The following TFDP2 variants were observed in gnomAD, a reference collection of about 807,000 sequenced individuals.
The protein encoded by TFDP2 is transcription factor Dp-2.
Under a neutral mutation model 59.3 loss-of-function variants are expected in TFDP2, and 17 were observed. The observed-to-expected ratio is 0.29, with a 90% confidence interval of 0.20 to 0.43. The LOEUF (loss-of-function observed/expected upper bound fraction) is 0.43. TFDP2 is among the 20% of genes least tolerant of loss of function. TFDP2 has a pLI of 1.00. For synonymous variants in TFDP2, 180 were observed against 194.7 expected (o/e 0.92, Z 0.63); for missense variants, 391 against 528.8 (o/e 0.74, Z 2.56).
intron 3 of TFDP2, chr3:142,044,201 C>T (rs1223883315): frequency 1.8e-5 from 6 of 335,606 alleles, no homozygotes; most frequent in Non-Finnish European, 2.8e-5. Context: ...ATACTCATGG[C>T]TGCGGCGGCG....
chr3:142,143,056 T>G (rs1037908936), intron 1 of TFDP2, among the ~76,000 whole-genome samples: 1 of 152,214 alleles, frequency 6.6e-6, no homozygotes, highest in South Asian at 2.1e-4. Flanking sequence ...GCCAACATGG[T>G]GAAACCCCAT....
intron 3 of TFDP2, among the ~76,000 whole-genome samples, chr3:142,015,141 A>G (rs138265855): frequency 2.0e-5 from 3 of 152,230 alleles, no homozygotes. Flanking sequence ...TCTCAGCCTT[A>G]GTTGTTGGCT....
At chr3:142,118,486 G>A (rs139821829) in intron 1 of TFDP2, among the ~76,000 whole-genome samples, 48 of 152,038 alleles carry the variant, frequency 3.2e-4, no homozygotes, top group African/African-American at 8.7e-4. Context: ...ACCTTGAATC[G>A]GAAGTACAAA....
At chr3:142,075,328 AATAT>A (rs747624418) in intron 3 of TFDP2, among the ~76,000 whole-genome samples, 1 of 152,232 alleles carries the variant, frequency 6.6e-6, no homozygotes, top group Non-Finnish European at 1.5e-5. Flanking sequence ...TAATATCCAG[AATAT>A]ATAAAGAACT....
chr3:142,098,201 G>T (rs1576977635), intron 2 of TFDP2, among the ~76,000 whole-genome samples: 1 of 146,608 alleles, frequency 6.8e-6, no homozygotes, highest in East Asian at 2.0e-4. Context: ...TTCTTTATCT[G>T]TATTTTCTAA....
intron 4 of TFDP2, among the ~76,000 whole-genome samples, chr3:141,998,019 C>G (rs928281946): frequency 6.6e-6 from 1 of 151,938 alleles, no homozygotes; most frequent in South Asian, 2.1e-4. Context: ...TGCGGCTGAT[C>G]GGAGAGTGAT....
chr3:142,147,525 G>A (rs2063219560), intron 1 of TFDP2, among the ~76,000 whole-genome samples: 1 of 152,090 alleles, frequency 6.6e-6, no homozygotes, highest in Non-Finnish European at 1.5e-5. Flanking sequence ...AGTCAGGGTG[G>A]GAGGAATTAC....
Position 141,944,443 on chromosome 3 carries a change from T to G in TFDP2, c.*8070A>C, listed in dbSNP as rs954739912. 2 of 152,228 alleles carry G rather than the reference T, an allele frequency of 1.3e-5. No individual in the cohort carries two copies. Among genetic ancestry groups the G allele is most frequent in the East Asian group, 3.9e-4 (2 of 5,194 alleles). 9.4% of individuals were successfully genotyped at this position (152,228 alleles called of 1,614,324 possible). On this transcript the variant is annotated 3_prime_UTR_variant, in exon 13 of 13. Transcript: ENST00000489671. ...GAGACTAACATTATTTTAAAGTGTT[T>G]ATTTTTTTCTATAATACATTTCATT...
At chr3:142,148,061 G>A (rs1468927564) in intron 1 of TFDP2, among the ~76,000 whole-genome samples, 1 of 151,112 alleles carries the variant, frequency 6.6e-6, no homozygotes, top group South Asian at 2.1e-4. Flanking sequence ...AAAAAAACAG[G>A]TAAATTATTT....
rs541394073 is a variant in TFDP2 at position 141,981,448 on chromosome 3, C to T, written c.357-2766G>A. ...AATATATTTACTGATAAATAATTTA[C>T]ATGTTCTATGTTATGTACATAGAAA... On this transcript the variant is annotated intron_variant, in intron 6 of 12. Coordinates refer to ENST00000489671, the MANE Select transcript of TFDP2 (RefSeq NM_001178139.2). Among the ~76,000 whole-genome samples the T allele has an allele frequency of 5.3e-5, 8 of 152,248 alleles. No homozygotes were observed. The East Asian group carries it at 1.5e-3, about 29-fold the overall frequency.
rs115832545 is a variant in TFDP2 at position 142,065,930 on chromosome 3, T to C, written c.82+27131A>G. 7.7e-3 allele frequency among the ~76,000 whole-genome samples: 1,176 copies of C among 152,178 alleles called. 16 individuals carry two copies. The highest frequency in any genetic ancestry group is 0.027 in the African/African-American group (1,103 of 41,502). On this transcript the variant is annotated intron_variant, in intron 3 of 12. Transcript: ENST00000489671. ...GTAAAATCCAAAAAAGTAATGCAGGTAAAAGTTAGCAGCTTAAGTAAACAT... is the reference window on the plus strand; with the variant it reads ...GTAAAATCCAAAAAAGTAATGCAGGCAAAAGTTAGCAGCTTAAGTAAACAT...
At position 142,011,438 on chromosome 3, in the gene TFDP2, G is replaced by T. The variant is rs1335110702; in HGVS notation, c.83-5894C>A. Among the ~76,000 whole-genome samples the T allele has an allele frequency of 4.2e-5, 5 of 119,582 alleles. No homozygotes were observed. In the South Asian group the frequency reaches 1.2e-3, roughly 29 times the overall value. 78.5% of individuals were successfully genotyped at this position (119,582 alleles called of 152,430 possible). A position where few individuals can be genotyped will look rare whatever the true frequency, so the allele number is the denominator to read the frequency against. ...GGGAATATCATACTCTGGGGACTGT[G>T]GTGGGGTGGGGGGAGGGGGGAGGGA... On this transcript the variant is annotated intron_variant, in intron 3 of 12. Transcript: ENST00000489671.
chr3:142,055,620 TA>T (rs1173092123), intron 3 of TFDP2, among the ~76,000 whole-genome samples: 2 of 152,216 alleles, frequency 1.3e-5, no homozygotes, highest in Non-Finnish European at 2.9e-5. Flanking sequence ...TCCATGTCCT[TA>T]AAACCTATTA....
chr3:142,060,432 G>T (rs1199709797), intron 3 of TFDP2, among the ~76,000 whole-genome samples: 5 of 152,170 alleles, frequency 3.3e-5, no homozygotes, highest in African/African-American at 1.2e-4. Flanking sequence ...CCCAACAGTA[G>T]AATTTTTTCA....
chr3:142,005,601 G>T, intron 3 of TFDP2, 57 bp from the exon 4 acceptor site: 1 of 1,161,010 alleles, frequency 8.6e-7, no homozygotes, highest in Non-Finnish European at 1.3e-6. Context: ...CCATTTTCTA[G>T]CTATATACAC....
chr3:141,953,908 C>T lies in TFDP2; in HGVS notation c.1052-892G>A, dbSNP rs371940363. ...AGTTTGGGCTGAGCACGGTGGCTCA[C>T]GCCTATAATCCCAGCATTTTGGGAG... is the stretch of plus-strand genomic sequence containing the variant. On this transcript the variant is annotated intron_variant, in intron 11 of 12. Coordinates refer to ENST00000489671, the MANE Select transcript of TFDP2 (RefSeq NM_001178139.2). 2.8e-4 allele frequency among the ~76,000 whole-genome samples: 43 copies of T among 151,758 alleles called. 1 individual carries two copies. Among genetic ancestry groups the T allele is most frequent in the African/African-American group, 9.9e-4 (41 of 41,360 alleles).
chr3:142,093,433 A>G (rs1158884923), intron 2 of TFDP2, among the ~76,000 whole-genome samples: 1 of 151,932 alleles, frequency 6.6e-6, no homozygotes, highest in Non-Finnish European at 1.5e-5. Flanking sequence ...CCTGGATGAC[A>G]GAGTGAGACC....
At chr3:142,077,375 C>A (rs1322298938) in intron 3 of TFDP2, among the ~76,000 whole-genome samples, 1 of 152,124 alleles carries the variant, frequency 6.6e-6, no homozygotes, top group Non-Finnish European at 1.5e-5. Flanking sequence ...CTTGCGCCAC[C>A]CCATCCCAAC....
chr3:142,031,626 C>G (rs1023221725), intron 3 of TFDP2, among the ~76,000 whole-genome samples: 17 of 152,184 alleles, frequency 1.1e-4, no homozygotes, highest in Non-Finnish European at 2.4e-4. Flanking sequence ...TCTCCTTAAT[C>G]TTATGTAGAA....
Sources: gnomAD v4.1 joint callset for allele counts (sites outside exome capture counted in the v4.1 genomes callset) on GRCh38, gnomAD v4.1.1 for gene constraint, MANE v1.5 for transcripts, NCBI Gene and HGNC (gene_info 2026-07-23, HGNC 2026-07-21) for gene names.